LPAR1: variants seen among roughly 807,000 people sequenced by gnomAD.
The protein encoded by LPAR1 is LPA receptor 1.
In LPAR1, 5 loss-of-function variants were observed where a neutral mutation model predicts 23.8. That is an observed-to-expected ratio of 0.21 (90% confidence interval 0.11 to 0.44). LPAR1 has a LOEUF of 0.44. LPAR1 is among the 20% of genes least tolerant of loss of function. The probability of loss-of-function intolerance (pLI) is 0.99; values close to 1 mark genes in which losing one functional copy is unlikely to be tolerated. For synonymous variants in LPAR1, 160 were observed against 164.7 expected (o/e 0.97, Z 0.22); for missense variants, 311 against 482.8 (o/e 0.64, Z 3.33).
chr9:111,005,555 A>C (rs2097201906), intron 2 of LPAR1, among the ~76,000 whole-genome samples: 1 of 56,138 alleles, frequency 1.8e-5, no homozygotes. Flanking sequence ...TCAAAAAAAA[A>C]AAAAAAAAAA....
rs2078695654 is a variant in LPAR1, at chr9:110,874,429, A to T, written c.*992T>A. ...AAAAGTATACAATACACATATAGGC[A>T]TACATGGGGGTTGCTTTTTAAAGGT... On this transcript the variant is annotated 3_prime_UTR_variant, in exon 6 of 6. Transcript: ENST00000683809. The T allele has an allele frequency of 6.6e-6, 1 of 152,618 alleles. No individual in the cohort carries two copies. The highest frequency in any genetic ancestry group is 1.5e-5 in the Non-Finnish European group (1 of 68,028). The allele number at this position is 152,618 out of a possible 1,614,324, so 9.5% of individuals were successfully genotyped here.
intron 2 of LPAR1, among the ~76,000 whole-genome samples, chr9:111,004,794 A>G (rs2097185070): frequency 6.6e-6 from 1 of 152,164 alleles, no homozygotes; most frequent in African/African-American, 2.4e-5. Context: ...TTCCACAGAC[A>G]CTTATAGTCT....
intron 4 of LPAR1, among the ~76,000 whole-genome samples, chr9:110,949,222 A>T (rs2095492328): frequency 6.6e-6 from 1 of 152,100 alleles, no homozygotes; most frequent in Non-Finnish European, 1.5e-5. Context: ...GCCACACGGG[A>T]TTCTCTCAAA....
intron 2 of LPAR1, among the ~76,000 whole-genome samples, chr9:110,976,160 C>T (rs1382618392): frequency 6.6e-6 from 1 of 151,982 alleles, no homozygotes; most frequent in East Asian, 1.9e-4. Flanking sequence ...ACCAGAGCCC[C>T]AGACTGTCAA....
intron 2 of LPAR1, among the ~76,000 whole-genome samples, chr9:110,987,960 A>C (rs2096822639): frequency 6.6e-6 from 1 of 152,038 alleles, no homozygotes. Context: ...CCATAACAAT[A>C]AAATCTTTAA....
At chr9:110,915,258 C>T (rs572878228) in intron 5 of LPAR1, among the ~76,000 whole-genome samples, 119 of 152,124 alleles carry the variant, frequency 7.8e-4, no homozygotes, top group African/African-American at 2.8e-3. Context: ...TACAACAGGT[C>T]GGGCATGGTG....
At chr9:110,985,145 A>G (rs1051151633) in intron 2 of LPAR1, among the ~76,000 whole-genome samples, 2 of 152,078 alleles carry the variant, frequency 1.3e-5, no homozygotes, top group Non-Finnish European at 2.9e-5. Context: ...CAGATTCAGA[A>G]CAAAGAAATC....
At position 110,972,149 on chromosome 9, in the gene LPAR1, C is replaced by T. The variant is rs368578554; in HGVS notation, c.-32G>A. ...TCTGTGGTTGTAGGTGGTGAACACG[C>T]CCCAGAACTACGGGAGACAAATTTT... On this transcript the variant is annotated 5_prime_UTR_variant, in exon 4 of 6. Coordinates refer to ENST00000683809, the MANE Select transcript of LPAR1 (RefSeq NM_001351411.2). The T allele has an allele frequency of 1.9e-6, 3 of 1,606,294 alleles. No individual in the cohort carries two copies. The highest frequency in any genetic ancestry group is 1.7e-4 in the Middle Eastern group (1 of 6,042).
chr9:111,029,688 G>C (rs1355639313), intron 2 of LPAR1, among the ~76,000 whole-genome samples: 3 of 151,966 alleles, frequency 2.0e-5, no homozygotes, highest in Admixed American at 2.0e-4. Flanking sequence ...AATCATTTGA[G>C]TCCATATCGC....
chr9:111,017,330 A>G (rs778654819), intron 2 of LPAR1, among the ~76,000 whole-genome samples: 4 of 152,200 alleles, frequency 2.6e-5, no homozygotes, highest in Admixed American at 6.5e-5. Context: ...ATCACATGGT[A>G]CCTTCATTCA....
At chr9:110,943,800 C>T (rs2095269714) in intron 4 of LPAR1, among the ~76,000 whole-genome samples, 1 of 147,644 alleles carries the variant, frequency 6.8e-6, no homozygotes, top group Admixed American at 7.0e-5. Flanking sequence ...GTGGAGGTTG[C>T]AGTGAGCCAA....
At chr9:111,035,540 G>A (rs889682558) in intron 2 of LPAR1, among the ~76,000 whole-genome samples, 4 of 152,122 alleles carry the variant, frequency 2.6e-5, no homozygotes, top group Admixed American at 2.0e-4. Context: ...ATTTAAATAA[G>A]AGGGTAACAT....
At position 110,874,467 on chromosome 9, in the gene LPAR1, G is replaced by A. The variant is rs1178907756; in HGVS notation, c.*954C>T. 2.0e-5 allele frequency: 3 copies of A among 152,434 alleles called. No homozygotes were observed. Among genetic ancestry groups the A allele is most frequent in the East Asian group, 1.9e-4 (1 of 5,194 alleles). 9.4% of individuals were successfully genotyped at this position (152,434 alleles called of 1,614,324 possible). On this transcript the variant is annotated 3_prime_UTR_variant, in exon 6 of 6. Coordinates refer to ENST00000683809, the MANE Select transcript of LPAR1 (RefSeq NM_001351411.2). ...GCTTTTTAAAGGTGGTTACTTCTGGGTTGTGATATTATCAGTAATCATTTT... is the reference window on the plus strand; with the variant it reads ...GCTTTTTAAAGGTGGTTACTTCTGGATTGTGATATTATCAGTAATCATTTT...
intron 2 of LPAR1, among the ~76,000 whole-genome samples, chr9:111,011,369 C>T (rs1564334259): frequency 6.6e-6 from 1 of 152,142 alleles, no homozygotes; most frequent in Non-Finnish European, 1.5e-5. Flanking sequence ...GGAACACTTC[C>T]AATAACGGGA....
chr9:111,000,570 TC>T (rs574588973), intron 2 of LPAR1, among the ~76,000 whole-genome samples: 281 of 152,028 alleles, frequency 1.8e-3, no homozygotes, highest in African/African-American at 6.1e-3. Flanking sequence ...ACTGCTCTAC[TC>T]CCCCAGCCAC....
At chr9:110,932,451 G>C (rs1440371779) in intron 5 of LPAR1, among the ~76,000 whole-genome samples, 1 of 152,224 alleles carries the variant, frequency 6.6e-6, no homozygotes, top group Non-Finnish European at 1.5e-5. Flanking sequence ...ACAGCAATCA[G>C]GTCTCATGAA....
intron 2 of LPAR1, among the ~76,000 whole-genome samples, chr9:110,984,751 A>G (rs1231519554): frequency 6.6e-6 from 1 of 151,854 alleles, no homozygotes; most frequent in Non-Finnish European, 1.5e-5. Context: ...AGCACAGAAT[A>G]CCTGTGATAG....
chr9:110,912,424 A>C (rs1265137255), intron 5 of LPAR1, among the ~76,000 whole-genome samples: 1 of 152,176 alleles, frequency 6.6e-6, no homozygotes, highest in African/African-American at 2.4e-5. Context: ...TTCTCATGAC[A>C]GTTTTAAAAA....
chr9:110,913,690 G>A (rs1024433650), intron 5 of LPAR1, among the ~76,000 whole-genome samples: 2 of 152,062 alleles, frequency 1.3e-5, no homozygotes, highest in Non-Finnish European at 2.9e-5. Context: ...CAAGTGAAGT[G>A]GAGTTATGGA....
Sources: allele counts gnomAD v4.1 joint callset (sites outside exome capture counted in the v4.1 genomes callset), GRCh38; gene constraint gnomAD v4.1.1; transcripts MANE v1.5; gene names NCBI Gene and HGNC (gene_info 2026-07-23, HGNC 2026-07-21).